Variants in BMP2K observed in about 807,000 individuals in gnomAD.
The protein encoded by BMP2K is BMP2 inducible kinase.
In BMP2K, 74 loss-of-function variants were observed where a neutral mutation model predicts 116.0. The ratio of observed to expected loss-of-function variants is 0.64; its 90% CI spans 0.53 to 0.77. The LOEUF (loss-of-function observed/expected upper bound fraction) is 0.77, where lower values mean the gene tolerates loss of function less well. Ranked by LOEUF, BMP2K falls within the 30% of genes least tolerant of loss-of-function variation. The probability of loss-of-function intolerance (pLI) is 0.00; values close to 1 mark genes in which losing one functional copy is unlikely to be tolerated. For missense variants in BMP2K, 1,365 were observed against 1,403.6 expected, an observed-to-expected ratio of 0.97 and a Z score of 0.44; for synonymous variants, 486 against 502.5, an observed-to-expected ratio of 0.97 and a Z score of 0.44.
intron 2 of BMP2K, among the ~76,000 whole-genome samples, chr4:78,830,509 C>T (rs950757031): frequency 6.6e-6 from 1 of 152,180 alleles, no homozygotes; most frequent in Non-Finnish European, 1.5e-5. Flanking sequence ...ATTTTGAATA[C>T]AGCATCGACT....
At chr4:78,840,117 CAGAT>C (rs200674592) in intron 3 of BMP2K, among the ~76,000 whole-genome samples, 7,525 of 151,888 alleles carry the variant, frequency 0.05, 579 homozygotes, top group African/African-American at 0.17. Context: ...TATGTGTACT[CAGAT>C]AGGTTGTTGA....
chr4:78,776,364 CGCGGAGCG>C lies in BMP2K; in HGVS notation c.-178_-171del. 1.9e-6 allele frequency: 1 copy of C among 515,370 alleles called. No individual in the cohort carries two copies. The highest frequency in any genetic ancestry group is 2.6e-6 in the Non-Finnish European group (1 of 384,486). The allele number at this position is 515,370 out of a possible 1,614,324, so 31.9% of individuals were successfully genotyped here. A position where few individuals can be genotyped will look rare whatever the true frequency, so the allele number is the denominator to read the frequency against. ...GGGAGCCGGGCAGCTGCAGCGGAGC[CGCGGAGCG>C]GGCGGCGGGGCCCAGGCTGTGCGCT... On this transcript the variant is annotated 5_prime_UTR_variant, in exon 1 of 16. Transcript: ENST00000502613.
intron 15 of BMP2K, among the ~76,000 whole-genome samples, chr4:78,908,129 C>G (rs1404322083): frequency 6.6e-6 from 1 of 152,196 alleles, no homozygotes; most frequent in Non-Finnish European, 1.5e-5. Flanking sequence ...ATAACAAATA[C>G]AGCATGTAGC....
chr4:78,793,591 C>G (rs1728113154), intron 1 of BMP2K, among the ~76,000 whole-genome samples: 2 of 151,674 alleles, frequency 1.3e-5, no homozygotes, highest in Middle Eastern at 3.4e-3. Flanking sequence ...ATCCTGAGGC[C>G]AAAAGACTTT....
chr4:78,886,733 T>A (rs999345566), intron 14 of BMP2K, among the ~76,000 whole-genome samples: 3 of 152,156 alleles, frequency 2.0e-5, no homozygotes. Context: ...AAGTAAGATA[T>A]AGTGAATTAC....
At position 78,861,401 on chromosome 4, in the gene BMP2K, C is replaced by A; in HGVS notation, c.1000C>A (p.Pro334Thr). ...TTTTTCTTCCAAGAATTCTTCTATT[C>A]CTTCAGCTCTTCCTGAACCGATGAC... ...PVSNINNSSI[P>T]SALPEPMTAS... The change falls in exon 9 of 16, where the codon CCT becomes ACT. Residue 334 changes from proline (P) to threonine (T), a missense_variant. Around this residue, in one of 3 missense-constraint regions of BMP2K, gnomAD observed 762 missense variants for 756.7 expected, o/e 1.01. Transcript: ENST00000502613. The A allele has an allele frequency of 6.3e-7, 1 of 1,599,426 alleles. No homozygotes were observed. Among genetic ancestry groups the A allele is most frequent in the Non-Finnish European group, 8.5e-7 (1 of 1,172,652 alleles).
chr4:78,786,270 A>G (rs1560498602), intron 1 of BMP2K, among the ~76,000 whole-genome samples: 1 of 152,140 alleles, frequency 6.6e-6, no homozygotes, highest in East Asian at 1.9e-4. Context: ...CCCTTGCACT[A>G]CATAAGGTTA....
At chr4:78,798,331 C>A (rs549695176) in intron 1 of BMP2K, among the ~76,000 whole-genome samples, 2 of 152,124 alleles carry the variant, frequency 1.3e-5, no homozygotes. Flanking sequence ...AATGGAGATA[C>A]CTGCTGGATG....
chr4:78,874,665 A>G (rs79796279), intron 13 of BMP2K, among the ~76,000 whole-genome samples: 2,444 of 152,332 alleles, frequency 0.016, 70 homozygotes, highest in African/African-American at 0.055. Flanking sequence ...AGCTCCTGGA[A>G]GCAAAGTTAT....
At position 78,788,376 on chromosome 4, in the gene BMP2K, A is replaced by ATT. The variant is rs1264545181; in HGVS notation, c.178+11671_178+11672dup. ...TACGTGCAGTAATGTGGATCTAAGGATTTTTTTTTTTTTTTTTGTCTACCT... is the reference window on the plus strand; with the variant it reads ...TACGTGCAGTAATGTGGATCTAAGGATTTTTTTTTTTTTTTTTTTGTCTACCT... On this transcript the variant is annotated intron_variant, in intron 1 of 15. Coordinates refer to ENST00000502613, the MANE Select transcript of BMP2K (RefSeq NM_198892.2). Among the ~76,000 whole-genome samples the ATT allele has an allele frequency of 2.4e-3, 324 of 135,074 alleles. 6 individuals are homozygous for ATT. The highest frequency in any genetic ancestry group is 8.2e-3 in the African/African-American group (301 of 36,918). The allele number at this position is 135,074 out of a possible 152,430, so 88.6% of individuals were successfully genotyped here. A position where few individuals can be genotyped will look rare whatever the true frequency, so the allele number is the denominator to read the frequency against.
At chr4:78,905,096 A>G (rs144692851) in intron 15 of BMP2K, among the ~76,000 whole-genome samples, 12 of 151,924 alleles carry the variant, frequency 7.9e-5, no homozygotes, top group Non-Finnish European at 1.5e-4. Flanking sequence ...TGACTAATCT[A>G]TTGGTTCATT....
At position 78,872,650 on chromosome 4, in the gene BMP2K, A is replaced by G. The variant is rs1205058792; in HGVS notation, c.1645A>G (p.Met549Val). ...TCAGCAGGCTTTCTTTCAACAGCAG[A>G]TGCTAGCTCAACATCAGCCGTCTCA... Reference protein sequence around the residue: ...QYQQAFFQQQMLAQHQPSQQQ... With the variant: ...QYQQAFFQQQVLAQHQPSQQQ... The change falls in exon 13 of 16, where the codon ATG (methionine) becomes GTG (valine). Residue 549 changes from methionine (M) to valine (V), a missense_variant. Around this residue, in one of 3 missense-constraint regions of BMP2K, gnomAD observed 762 missense variants for 756.7 expected, o/e 1.01. Transcript: ENST00000502613. 12 of 1,614,072 alleles carry G rather than the reference A, an allele frequency of 7.4e-6. No homozygotes were observed. Among genetic ancestry groups the G allele is most frequent in the Non-Finnish European group, 8.5e-6 (10 of 1,179,970 alleles).
At chr4:78,812,723 G>A (rs74412598) in intron 1 of BMP2K, among the ~76,000 whole-genome samples, 139 of 152,274 alleles carry the variant, frequency 9.1e-4, no homozygotes, top group African/African-American at 3.1e-3. Flanking sequence ...GAGAAATATA[G>A]CAAAGTGCTG....
intron 1 of BMP2K, among the ~76,000 whole-genome samples, chr4:78,794,773 G>T (rs1728172699): frequency 6.6e-6 from 1 of 152,128 alleles, no homozygotes; most frequent in Non-Finnish European, 1.5e-5. Context: ...GTGTTTTCCA[G>T]GTTGGTCTTG....
At chr4:78,878,563 A>G (rs918583659) in intron 13 of BMP2K, among the ~76,000 whole-genome samples, 171 bp from the exon 14 acceptor site, 2 of 152,174 alleles carry the variant, frequency 1.3e-5, no homozygotes, top group Admixed American at 6.5e-5. Context: ...GAGGTGATCT[A>G]GATCCCATAT....
Position 78,852,270 on chromosome 4 carries a change from A to G in BMP2K, c.883+1214A>G, listed in dbSNP as rs1344428671. On this transcript the variant is annotated intron_variant, in intron 7 of 15. Coordinates refer to ENST00000502613, the MANE Select transcript of BMP2K (RefSeq NM_198892.2). ...TTAGGCTCTAGTTAATTGATGCATT[A>G]CAGTGTATTATATGCTTCCCTTACT... 2.0e-5 allele frequency among the ~76,000 whole-genome samples: 3 copies of G among 152,100 alleles called. No homozygotes were observed. The East Asian group carries it at 5.8e-4, about 29-fold the overall frequency.
At chr4:78,878,688 A>T in intron 13 of BMP2K, 46 bp from the exon 14 acceptor site, 1 of 1,445,368 alleles carries the variant, frequency 6.9e-7, no homozygotes, top group African/African-American at 1.5e-5. Flanking sequence ...TATTTATTTT[A>T]ATTTTTCTTT....
chr4:78,819,323 G>A (rs532873112), intron 1 of BMP2K, among the ~76,000 whole-genome samples: 31 of 152,258 alleles, frequency 2.0e-4, no homozygotes, highest in East Asian at 1.9e-3. Context: ...CCAAAGTGCT[G>A]GGATTACAGC....
chr4:78,861,485 T>A lies in BMP2K; in HGVS notation c.1067+17T>A. ...AAAAGCCAGGTAGGCAAAACTATGC[T>A]GAAATTGAAAAGGCATTAAAAAAAA... On this transcript the variant is annotated intron_variant, in intron 9 of 15. Coordinates refer to ENST00000502613, the MANE Select transcript of BMP2K (RefSeq NM_198892.2). 1 of 1,586,398 alleles carries A rather than the reference T, an allele frequency of 6.3e-7. No homozygotes were observed. The highest frequency in any genetic ancestry group is 8.6e-7 in the Non-Finnish European group (1 of 1,159,548).
Sources: gnomAD v4.1 joint callset for allele counts (sites outside exome capture counted in the v4.1 genomes callset) on GRCh38, gnomAD v4.1.1 for gene constraint, gnomAD v4.1.1 regional missense constraint, MANE v1.5 for transcripts, NCBI Gene and HGNC (gene_info 2026-07-23, HGNC 2026-07-21) for gene names.